The following ZNF287 variants were observed in gnomAD, a reference collection of about 807,000 sequenced individuals.
The protein encoded by ZNF287 is zinc finger protein with KRAB and SCAN domains 13.
ZNF287 carries 31 observed loss-of-function variants against 73.7 expected under a neutral mutation model. The observed-to-expected ratio is 0.42, with a 90% CI of 0.32 to 0.57. ZNF287 has a LOEUF of 0.57. Among genes scored for constraint, ZNF287 ranks in the 20% least tolerant of loss-of-function variants. The pLI is 0.13. For missense variants in ZNF287, 641 were observed against 909.3 expected, an observed-to-expected ratio of 0.70 and a Z score of 3.79; for synonymous variants, 301 against 307.2, an observed-to-expected ratio of 0.98 and a Z score of 0.21.
chr17:16,563,354 T>C, intron 4 of ZNF287, 122 bp from the exon 5 acceptor site: 2 of 674,136 alleles, frequency 3.0e-6, no homozygotes, highest in Non-Finnish European at 5.0e-6. Flanking sequence ...TTCATGGACA[T>C]GATCTAATAA....
intron 5 of ZNF287, among the ~76,000 whole-genome samples, chr17:16,561,280 C>G (rs1186856789): frequency 6.6e-6 from 1 of 152,176 alleles, no homozygotes; most frequent in African/African-American, 2.4e-5. Flanking sequence ...CGCCACTGCA[C>G]TCCACCCTGG....
chr17:16,557,435 A>G (rs891482918), intron 5 of ZNF287, among the ~76,000 whole-genome samples: 3 of 152,148 alleles, frequency 2.0e-5, no homozygotes, highest in Admixed American at 6.5e-5. Flanking sequence ...AAAGAACTAT[A>G]AAAGATCTGA....
chr17:16,562,302 T>A (rs1907495748), intron 5 of ZNF287, among the ~76,000 whole-genome samples: 1 of 152,326 alleles, frequency 6.6e-6, no homozygotes, highest in Non-Finnish European at 1.5e-5. Flanking sequence ...CAAGATATAC[T>A]TTTAAGTTAA....
In ZNF287 at chr17:16,563,131, C is replaced by A. The variant is rs754711572; in HGVS notation, c.715+15G>T. 8.2e-6 allele frequency: 13 copies of A among 1,583,396 alleles called. No individual in the cohort carries two copies. The African/African-American group carries it at 1.1e-4, about 13-fold the overall frequency. On this transcript the variant is annotated intron_variant, in intron 5 of 5. Coordinates refer to ENST00000395825, the MANE Select transcript of ZNF287 (RefSeq NM_020653.4). ...TCTTAAATACAAAGAAGCTCATGCGCTTTTTGTTTCTCACCTGGACTAGGG... is the reference window on the plus strand; with the variant it reads ...TCTTAAATACAAAGAAGCTCATGCGATTTTTGTTTCTCACCTGGACTAGGG...
At chr17:16,566,226 TGGTA>T (rs1907733718) in intron 3 of ZNF287, among the ~76,000 whole-genome samples, 1 of 152,208 alleles carries the variant, frequency 6.6e-6, no homozygotes, top group Non-Finnish European at 1.5e-5. Flanking sequence ...GCAGTTCCAA[TGGTA>T]GAGCCGGGAA....
At chr17:16,556,851 CTTT>C (rs982289962) in intron 5 of ZNF287, among the ~76,000 whole-genome samples, 1 of 145,366 alleles carries the variant, frequency 6.9e-6, no homozygotes, top group African/African-American at 2.5e-5. Context: ...TATAAAAGCA[CTTT>C]TTTTTTTTTT....
At chr17:16,556,432 T>C (rs1471679277) in intron 5 of ZNF287, among the ~76,000 whole-genome samples, 1 of 152,318 alleles carries the variant, frequency 6.6e-6, no homozygotes, top group East Asian at 1.9e-4. Flanking sequence ...TATTATAAGT[T>C]TTCTGGTTTC....
In ZNF287 at chr17:16,553,313, C is replaced by G. The variant is rs1189991502; in HGVS notation, c.829G>C (p.Glu277Gln). ...CAGAAGCCACCTTTTCCTCGCCTCT[C>G]TAGTCTATCATCGTAGTCATATGAG... ...EDSYDYDDRL[E>Q]RRGKGGFWKI... Residue 277 changes from glutamate (E) to glutamine (Q), a missense_variant, in exon 6 of 6, where the codon GAG becomes CAG. Around this residue, in one of 2 missense-constraint regions of ZNF287, gnomAD observed 357 missense variants for 442.4 expected, o/e 0.81. Coordinates refer to ENST00000395825, the MANE Select transcript of ZNF287 (RefSeq NM_020653.4). 1 of 1,613,918 alleles carries G rather than the reference C, an allele frequency of 6.2e-7. No homozygotes were observed. The highest frequency in any genetic ancestry group is 1.1e-5 in the South Asian group (1 of 91,058).
Position 16,551,534 on chromosome 17 carries a change from T to C in ZNF287, c.*322A>G, listed in dbSNP as rs1048696547. 1 of 251,054 alleles carries C rather than the reference T, an allele frequency of 4.0e-6. No individual in the cohort carries two copies. Among genetic ancestry groups the C allele is most frequent in the Non-Finnish European group, 7.6e-6 (1 of 131,728 alleles). 15.6% of individuals were successfully genotyped at this position (251,054 alleles called of 1,614,324 possible). ...AGATTTTCGTATACATGGGTGGTCC[T>C]GGAACCAATCCCCCGAGTATACCAA... is the stretch of plus-strand genomic sequence containing the variant. On this transcript the variant is annotated 3_prime_UTR_variant, in exon 6 of 6. Coordinates refer to ENST00000395825, the MANE Select transcript of ZNF287 (RefSeq NM_020653.4).
chr17:16,553,780 C>G, intron 5 of ZNF287, among the ~76,000 whole-genome samples: 1 of 152,228 alleles, frequency 6.6e-6, no homozygotes, highest in Non-Finnish European at 1.5e-5. Context: ...CATGCTGACT[C>G]TCATCACTCT....
At chr17:16,564,015 G>A (rs1242998572) in intron 3 of ZNF287, among the ~76,000 whole-genome samples, 190 bp from the exon 4 acceptor site, 2 of 152,074 alleles carry the variant, frequency 1.3e-5, no homozygotes, top group East Asian at 1.9e-4. Flanking sequence ...GACCCTAAAC[G>A]GAAGTTTGAA....
intron 5 of ZNF287, among the ~76,000 whole-genome samples, chr17:16,556,851 CTT>C (rs982289962): frequency 2.8e-5 from 4 of 145,310 alleles, no homozygotes; most frequent in Non-Finnish European, 3.0e-5. Context: ...TATAAAAGCA[CTT>C]TTTTTTTTTT....
rs1057281425 is a variant in ZNF287, at chr17:16,551,823, G to A, written c.*33C>T. ...ATGCACAAAACAAAATTGAAACAAAGTTGTAAAACCGAATTGAAGTTTCCC... is the reference window on the plus strand; with the variant it reads ...ATGCACAAAACAAAATTGAAACAAAATTGTAAAACCGAATTGAAGTTTCCC... On this transcript the variant is annotated 3_prime_UTR_variant, in exon 6 of 6. Coordinates refer to ENST00000395825, the MANE Select transcript of ZNF287 (RefSeq NM_020653.4). The A allele has an allele frequency of 6.5e-7, 1 of 1,537,704 alleles. No homozygotes were observed. Among genetic ancestry groups the A allele is most frequent in the African/African-American group, 1.4e-5 (1 of 72,334 alleles).
chr17:16,551,737 C>T lies in ZNF287; in HGVS notation c.*119G>A, dbSNP rs538172139. The T allele has an allele frequency of 1.0e-5, 11 of 1,072,870 alleles. No individual in the cohort carries two copies. The highest frequency in any genetic ancestry group is 1.6e-5 in the South Asian group (1 of 60,728). 66.5% of individuals were successfully genotyped at this position (1,072,870 alleles called of 1,614,324 possible). ...ATCCATACCACTACTTCTGATACTT[C>T]TGCTGAGTATCTAACATATTGCACT... On this transcript the variant is annotated 3_prime_UTR_variant, in exon 6 of 6. Coordinates refer to ENST00000395825, the MANE Select transcript of ZNF287 (RefSeq NM_020653.4).
chr17:16,566,699 C>T, intron 2 of ZNF287, 77 bp from the exon 3 acceptor site: 1 of 944,524 alleles, frequency 1.1e-6, no homozygotes, highest in East Asian at 2.7e-5. Context: ...AAATAGATGC[C>T]TACACTTTCT....
rs1906832499 is a variant in ZNF287, at chr17:16,553,424, A to C, written c.718T>G (p.Trp240Gly). ...GTACATGCTTGGGCTTTAGTTTCCC[A>C]TTCTGAAATAAAAAATATATTAAAA... ...KEILEGPSPEWETKAQACTPV... is the reference protein window; with the variant it reads ...KEILEGPSPEGETKAQACTPV... The change falls in exon 6 of 6, where the codon TGG (tryptophan) becomes GGG (glycine). Residue 240 changes from tryptophan to glycine, a missense_variant and splice_region_variant. Trp to Gly is a radical substitution (Grantham distance 184, BLOSUM62 -2). Transcript: ENST00000395825. 2 of 1,479,322 alleles carry C rather than the reference A, an allele frequency of 1.4e-6. No individual in the cohort carries two copies. The allele number at this position is 1,479,322 out of a possible 1,614,324, so 91.6% of individuals were successfully genotyped here. A position where few individuals can be genotyped will look rare whatever the true frequency, so the allele number is the denominator to read the frequency against.
chr17:16,553,077 A>G lies in ZNF287; in HGVS notation c.1065T>C (p.Gly355=), dbSNP rs200386462. The G allele has an allele frequency of 1.6e-5, 26 of 1,614,200 alleles. No homozygotes were observed. Among genetic ancestry groups the G allele is most frequent in the Non-Finnish European group, 2.2e-5 (26 of 1,180,026 alleles). Residue 355 remains glycine, a synonymous_variant, in exon 6 of 6, where the codon GGT becomes GGC. Coordinates refer to ENST00000395825, the MANE Select transcript of ZNF287 (RefSeq NM_020653.4). ...CAGGAAGTATTTTCCTATGTACAATACCATATGAGACATGATTGAAGGTTG... is the reference window on the plus strand; with the variant it reads ...CAGGAAGTATTTTCCTATGTACAATGCCATATGAGACATGATTGAAGGTTG... ...GRATFNHVSY[G]IVHRKILPGE...
chr17:16,552,399 T>C lies in ZNF287; in HGVS notation c.1743A>G (p.Gln581=). The change falls in exon 6 of 6, where the codon CAA becomes CAG. Residue 581 remains glutamine, a synonymous_variant. Coordinates refer to ENST00000395825, the MANE Select transcript of ZNF287 (RefSeq NM_020653.4). This position sits in a 1 kb window ranked among gnomAD's most constrained non-coding sequence, Gnocchi z 6.5. ...TCTCTCCAGTGTGAGTGGTTTGATG[T>C]TGAATAAGGGTTGAGGAATGAGCAA... ...KAFAHSSTLI[Q]HQTTHTGEKS... is the part of the protein sequence containing the mutation. The C allele has an allele frequency of 6.2e-7, 1 of 1,614,046 alleles. No homozygotes were observed. Among genetic ancestry groups the C allele is most frequent in the Non-Finnish European group, 8.5e-7 (1 of 1,179,966 alleles).
At chr17:16,566,814 C>A (rs1907770891) in intron 2 of ZNF287, among the ~76,000 whole-genome samples, 192 bp from the exon 3 acceptor site, 1 of 152,204 alleles carries the variant, frequency 6.6e-6, no homozygotes, top group Admixed American at 6.5e-5. Flanking sequence ...ACTTCAAAAA[C>A]AAGCTCGCTC....
Sources: allele counts gnomAD v4.1 joint callset (sites outside exome capture counted in the v4.1 genomes callset), GRCh38; gene constraint gnomAD v4.1.1; regional missense constraint gnomAD v4.1.1; non-coding constraint Gnocchi (gnomAD v3.1); transcripts MANE v1.5; gene names NCBI Gene and HGNC (gene_info 2026-07-23, HGNC 2026-07-21).